The following PNPLA2 variants were observed in gnomAD, a reference collection of about 807,000 sequenced individuals.
PNPLA2 encodes the protein patatin like domain 2, triacylglycerol lipase, also known as patatin-like phospholipase domain-containing protein 2.
A neutral mutation model predicts 39.7 loss-of-function variants in PNPLA2; 28 were observed. That is an observed-to-expected ratio of 0.70 (90% CI 0.52 to 0.97). The LOEUF is 0.97. Ranked by LOEUF, PNPLA2 falls within the 50% of genes least tolerant of loss-of-function variation. The pLI, the probability that PNPLA2 is intolerant of heterozygous loss-of-function variation, is 0.00. For missense variants in PNPLA2, 768 were observed against 698.2 expected (o/e 1.10, Z -1.13); for synonymous variants, 392 against 321.1 (o/e 1.22, Z -2.36).
intron 1 of PNPLA2, 166 bp from the exon 2 acceptor site, chr11:819,408 G>C (rs973691943): frequency 1.6e-5 from 16 of 976,768 alleles, no homozygotes; most frequent in Non-Finnish European, 1.8e-5. Flanking sequence ...CTTTCTCCGG[G>C]CGGCAGCGGA....
At chr11:821,534 G>C (rs543277077) in intron 2 of PNPLA2, 94 bp from the exon 3 acceptor site, 44 of 899,966 alleles carry the variant, frequency 4.9e-5, no homozygotes, top group Non-Finnish European at 7.4e-5. Flanking sequence ...TCCAGGGTCT[G>C]TATGCCATGG....
chr11:824,044 C>T lies in PNPLA2; in HGVS notation c.966C>T (p.Leu322=), dbSNP rs1229293310. ...CVEPTDLLTT[L]SNMLPVRLAT... ...AGCCCACGGACCTGCTGACCACCCT[C>T]TCCAACATGCTGCCTGTGCGTCTGG... The change falls in exon 8 of 10, where the codon CTC becomes CTT. Residue 322 remains leucine (L), a synonymous_variant. Transcript: ENST00000336615. The T allele has an allele frequency of 1.9e-6, 3 of 1,610,788 alleles. No homozygotes were observed. Among genetic ancestry groups the T allele is most frequent in the Non-Finnish European group, 2.5e-6 (3 of 1,179,488 alleles).
In PNPLA2 at chr11:821,941, C is replaced by T. The variant is rs111872081; in HGVS notation, c.421-17C>T. On this transcript the variant is annotated splice_polypyrimidine_tract_variant and intron_variant, in intron 3 of 9. Transcript: ENST00000336615. ...AGGCCTCTGCTCATTCTCTCCCACT[C>T]TGTCCCTGCCCTGAAGGCCAATGTC... 58 of 1,613,804 alleles carry T rather than the reference C, an allele frequency of 3.6e-5. 1 individual carries two copies. Among genetic ancestry groups the T allele is most frequent in the African/African-American group, 3.2e-4 (24 of 75,034 alleles).
Position 825,104 on chromosome 11 carries a change from C to G in PNPLA2, c.*242C>G, listed in dbSNP as rs1590181894. 1 of 575,256 alleles carries G rather than the reference C, an allele frequency of 1.7e-6. No homozygotes were observed. Among genetic ancestry groups the G allele is most frequent in the East Asian group, 3.0e-5 (1 of 33,154 alleles). 35.6% of individuals were successfully genotyped at this position (575,256 alleles called of 1,614,324 possible). A position where few individuals can be genotyped will look rare whatever the true frequency, so the allele number is the denominator to read the frequency against. The stretch of plus-strand genomic sequence containing the variant: ...CCCGAGCACCTCCCCCGCCCCTTTA[C>G]TCCTGAGAACTTTGCAGCTGCCCTT... On this transcript the variant is annotated 3_prime_UTR_variant, in exon 10 of 10. Coordinates refer to ENST00000336615, the MANE Select transcript of PNPLA2 (RefSeq NM_020376.4).
chr11:822,441 G>A lies in PNPLA2; in HGVS notation c.531G>A (p.Glu177=), dbSNP rs1845698210. 2 of 1,614,120 alleles carry A rather than the reference G, an allele frequency of 1.2e-6. No individual in the cohort carries two copies. Among genetic ancestry groups the A allele is most frequent in the East Asian group, 2.2e-5 (1 of 44,892 alleles). Reference sequence around the variant, plus strand: ...TTTCAGACAACCTGCCACTCTATGAGCTTAAGAACACCATCACAGTGTCCC... The same window carrying A: ...TTTCAGACAACCTGCCACTCTATGAACTTAAGAACACCATCACAGTGTCCC... The part of the protein sequence containing the change: ...GGISDNLPLY[E]LKNTITVSPF... The change falls in exon 5 of 10, where the codon GAG becomes GAA. Residue 177 remains glutamate, a synonymous_variant. Transcript: ENST00000336615.
chr11:822,659 C>A, intron 5 of PNPLA2, 53 bp downstream of exon 5: 3 of 1,390,164 alleles, frequency 2.2e-6, no homozygotes, highest in Non-Finnish European at 3.1e-6. Context: ...CACTGGGCAC[C>A]AAGGGAGAAC....
chr11:819,710 G>A lies in PNPLA2; in HGVS notation c.-9G>A, dbSNP rs765829416. The A allele has an allele frequency of 7.4e-6, 11 of 1,479,380 alleles. No individual in the cohort carries two copies. The African/African-American group carries it at 1.2e-4, about 16-fold the overall frequency. 91.6% of individuals were successfully genotyped at this position (1,479,380 alleles called of 1,614,324 possible). A position where few individuals can be genotyped will look rare whatever the true frequency, so the allele number is the denominator to read the frequency against. On this transcript the variant is annotated 5_prime_UTR_variant, in exon 2 of 10. Transcript: ENST00000336615. ...CCACGGAACCCGGGGCCCGGCGGCC[G>A]CCGCCGCGATGTTTCCCCGCGAGAA...
Position 825,149 on chromosome 11 carries a change from C to T in PNPLA2, c.*287C>T, listed in dbSNP as rs1565092802. On this transcript the variant is annotated 3_prime_UTR_variant, in exon 10 of 10. Coordinates refer to ENST00000336615, the MANE Select transcript of PNPLA2 (RefSeq NM_020376.4). ...GCCCTTCCCTCCCCGTTTTTCATGG[C>T]CTGCTGAAATATGTGTGTGAAGAAT... 5.4e-6 allele frequency: 3 copies of T among 554,892 alleles called. No individual in the cohort carries two copies. Among genetic ancestry groups the T allele is most frequent in the East Asian group, 3.2e-5 (1 of 31,270 alleles). 34.4% of individuals were successfully genotyped at this position (554,892 alleles called of 1,614,324 possible). A position where few individuals can be genotyped will look rare whatever the true frequency, so the allele number is the denominator to read the frequency against.
In PNPLA2 at chr11:824,564, CG is replaced by C; in HGVS notation, c.1218del (p.Ser407ProfsTer82). On this transcript the variant is annotated frameshift_variant, in exon 10 of 10. Coordinates refer to ENST00000336615, the MANE Select transcript of PNPLA2 (RefSeq NM_020376.4). LOFTEE classifies it low-confidence loss of function (END_TRUNC). Reference protein sequence around the residue: ...QVELRRVQSLPSVPLSCAAYR... With the variant: ...QVELRRVQSLXSVPLSCAAYR... ...GAGCTGCGCCGCGTCCAGTCGCTGCCGTCCGTGCCGCTGTCCTGCGCCGCCT... is the reference window on the plus strand; with the variant it reads ...GAGCTGCGCCGCGTCCAGTCGCTGCCTCCGTGCCGCTGTCCTGCGCCGCCT... The C allele has an allele frequency of 6.4e-7, 1 of 1,567,286 alleles. No homozygotes were observed. The highest frequency in any genetic ancestry group is 2.3e-5 in the East Asian group (1 of 42,782).
chr11:824,399 C>T lies in PNPLA2; in HGVS notation c.1138C>T (p.Arg380Cys), dbSNP rs767225998. Residue 380 changes from arginine (R) to cysteine (C), a missense_variant, in exon 9 of 10, where the codon CGC (arginine) becomes TGC (cysteine). Transcript: ENST00000336615. ...CAGCATCTGCCAGTACCTGGTGATG[C>T]GCGCCAAGAGGAAGCTGGGCAGGCA... Reference protein sequence around the residue: ...TGSICQYLVMRAKRKLGRHLP... With the variant: ...TGSICQYLVMCAKRKLGRHLP... 1.7e-5 allele frequency: 27 copies of T among 1,553,970 alleles called. No homozygotes were observed. The highest frequency in any genetic ancestry group is 3.9e-5 in the Admixed American group (2 of 51,544).
rs762144959 is a variant in PNPLA2, at chr11:823,911, G to T, written c.919+56G>T. On this transcript the variant is annotated intron_variant, in intron 7 of 9. Transcript: ENST00000336615. ...GGGAGGCAGGAGGGAAAGAGAGAGAGGAGAGGACGGTGAGCAGGGGAGGGA... is the reference window on the plus strand; with the variant it reads ...GGGAGGCAGGAGGGAAAGAGAGAGATGAGAGGACGGTGAGCAGGGGAGGGA... The T allele has an allele frequency of 2.6e-6, 4 of 1,549,710 alleles. No individual in the cohort carries two copies. The South Asian group carries it at 4.7e-5, about 18-fold the overall frequency.
chr11:824,902 CA>C lies in PNPLA2; in HGVS notation c.*41del, dbSNP rs1309522837. ...CGAGGAACCCTGCCTGAGACGCCTCCATTACCACTGCGCAGTGAGATGAGGG... is the reference window on the plus strand; with the variant it reads ...CGAGGAACCCTGCCTGAGACGCCTCCTTACCACTGCGCAGTGAGATGAGGG... On this transcript the variant is annotated 3_prime_UTR_variant, in exon 10 of 10. Coordinates refer to ENST00000336615, the MANE Select transcript of PNPLA2 (RefSeq NM_020376.4). 6.9e-7 allele frequency: 1 copy of C among 1,448,992 alleles called. No homozygotes were observed. The highest frequency in any genetic ancestry group is 2.0e-5 in the Admixed American group (1 of 50,854). 89.8% of individuals were successfully genotyped at this position (1,448,992 alleles called of 1,614,324 possible). A position where few individuals can be genotyped will look rare whatever the true frequency, so the allele number is the denominator to read the frequency against.
At chr11:823,443 G>A in intron 5 of PNPLA2, 84 bp from the exon 6 acceptor site, 1 of 1,249,184 alleles carries the variant, frequency 8.0e-7, no homozygotes, top group South Asian at 1.3e-5. Flanking sequence ...GTGAAGGGAG[G>A]TGGCTGTTGG....
At position 822,444 on chromosome 11, in the gene PNPLA2, TAAG is replaced by T. The variant is rs1179377141; in HGVS notation, c.537_539del (p.Lys179del). 5 of 1,613,988 alleles carry T rather than the reference TAAG, an allele frequency of 3.1e-6. No homozygotes were observed. Among genetic ancestry groups the T allele is most frequent in the Non-Finnish European group, 4.2e-6 (5 of 1,180,022 alleles). On this transcript the variant is annotated inframe_deletion, in exon 5 of 10. Transcript: ENST00000336615. ...CAGACAACCTGCCACTCTATGAGCT[TAAG>T]AACACCATCACAGTGTCCCCCTTCT...
chr11:821,632 G>A lies in PNPLA2; in HGVS notation c.192G>A (p.Glu64=). 1 of 1,613,284 alleles carries A rather than the reference G, an allele frequency of 6.2e-7. No homozygotes were observed. Among genetic ancestry groups the A allele is most frequent in the South Asian group, 1.1e-5 (1 of 91,068 alleles). Residue 64 remains glutamate, a synonymous_variant, in exon 3 of 10, where the codon GAG becomes GAA. Coordinates refer to ENST00000336615, the MANE Select transcript of PNPLA2 (RefSeq NM_020376.4). Reference sequence around the variant, plus strand: ...AACCTTGGCCCTGTGCCCCAGGTGAGGCTGGTGCCAAGTTCATTGAGGTAT... The same window carrying A: ...AACCTTGGCCCTGTGCCCCAGGTGAAGCTGGTGCCAAGTTCATTGAGGTAT... The part of the protein sequence containing the change: ...TALVTGVCLG[E]AGAKFIEVSK...
At chr11:823,625 G>A (rs1379869586) in intron 6 of PNPLA2, 38 bp downstream of exon 6, 3 of 1,603,480 alleles carry the variant, frequency 1.9e-6, no homozygotes, top group Non-Finnish European at 2.6e-6. Flanking sequence ...GGGTGGGCTC[G>A]GCTCTGCTAC....
In PNPLA2 at chr11:824,545, CGCCGCGTCCAGTCGCTGCCGTCCGT is replaced by C. The variant is rs780173904; in HGVS notation, c.1204_1228del (p.Val402CysfsTer79). 3 of 1,554,644 alleles carry C rather than the reference CGCCGCGTCCAGTCGCTGCCGTCCGT, an allele frequency of 1.9e-6. No individual in the cohort carries two copies. The highest frequency in any genetic ancestry group is 2.6e-6 in the Non-Finnish European group (3 of 1,153,470). ...CAGGCTGCCGGAGCAGGTGGAGCTG[CGCCGCGTCCAGTCGCTGCCGTCCGT>C]GCCGCTGTCCTGCGCCGCCTACAGA... On this transcript the variant is annotated frameshift_variant, in exon 10 of 10. Transcript: ENST00000336615. LOFTEE classifies it low-confidence loss of function (END_TRUNC).
chr11:821,681 C>G lies in PNPLA2; in HGVS notation c.241C>G (p.Leu81Val). 1 of 1,613,968 alleles carries G rather than the reference C, an allele frequency of 6.2e-7. No homozygotes were observed. The highest frequency in any genetic ancestry group is 8.5e-7 in the Non-Finnish European group (1 of 1,180,028). ...EVSKEARKRF[L>V]GPLHPSFNLV... ...ATCTAAAGAGGCCCGGAAGCGGTTCCTGGGCCCCCTGCACCCCTCCTTCAA... is the reference window on the plus strand; with the variant it reads ...ATCTAAAGAGGCCCGGAAGCGGTTCGTGGGCCCCCTGCACCCCTCCTTCAA... Residue 81 changes from leucine (L) to valine (V), a missense_variant, in exon 3 of 10, where the codon CTG (leucine) becomes GTG (valine). Coordinates refer to ENST00000336615, the MANE Select transcript of PNPLA2 (RefSeq NM_020376.4).
intron 1 of PNPLA2, 67 bp from the exon 2 acceptor site, chr11:819,507 G>A (rs148815011): frequency 0.039 from 49,229 of 1,252,370 alleles, 1,174 homozygotes; most frequent in Middle Eastern, 0.081. Flanking sequence ...ATTGGTCTTC[G>A]TGTGCCGGCC....
Sources: gnomAD v4.1 joint callset for allele counts on GRCh38, gnomAD v4.1.1 for gene constraint, MANE v1.5 for transcripts, NCBI Gene and HGNC (gene_info 2026-07-23, HGNC 2026-07-21) for gene names.